The following SLC39A10 variants were observed in gnomAD, a reference collection of about 807,000 sequenced individuals.
SLC39A10 encodes solute carrier family 39 member 10.
A neutral mutation model predicts 65.1 loss-of-function variants in SLC39A10; 13 were observed. The observed-to-expected ratio is 0.20, with a 90% confidence interval of 0.13 to 0.32. The LOEUF (loss-of-function observed/expected upper bound fraction) is 0.32, where lower values mean the gene tolerates loss of function less well. Ranked by LOEUF, SLC39A10 falls within the 10% of genes least tolerant of loss-of-function variation. The pLI, the probability that SLC39A10 is intolerant of heterozygous loss-of-function variation, is 1.00. For synonymous variants in SLC39A10, 321 were observed against 342.2 expected, an observed-to-expected ratio of 0.94 and a Z score of 0.68; for missense variants, 831 against 1,018.4, an observed-to-expected ratio of 0.82 and a Z score of 2.50.
At chr2:195,700,157 G>GT (rs1344764264) in intron 3 of SLC39A10, among the ~76,000 whole-genome samples, 1 of 152,084 alleles carries the variant, frequency 6.6e-6, no homozygotes, top group Middle Eastern at 3.2e-3. Flanking sequence ...TGACTCATGT[G>GT]TTTTTATTCA....
chr2:195,660,289 G>A (rs1689337173), intron 1 of SLC39A10, among the ~76,000 whole-genome samples: 1 of 152,154 alleles, frequency 6.6e-6, no homozygotes, highest in African/African-American at 2.4e-5. Context: ...AGTGATACCA[G>A]TCATAGTTGC....
intron 2 of SLC39A10, among the ~76,000 whole-genome samples, chr2:195,640,211 T>G (rs1688777487): frequency 6.6e-6 from 1 of 152,184 alleles, no homozygotes; most frequent in East Asian, 1.9e-4. Flanking sequence ...ACAAAGGCAG[T>G]TAAGTAGCAC....
At chr2:195,695,372 G>C (rs1367979944) in intron 3 of SLC39A10, among the ~76,000 whole-genome samples, 4 of 152,172 alleles carry the variant, frequency 2.6e-5, no homozygotes, top group Non-Finnish European at 4.4e-5. Flanking sequence ...AGGTCATCAG[G>C]GAAGTGGGGG....
intron 1 of SLC39A10, among the ~76,000 whole-genome samples, chr2:195,666,184 A>G (rs558148277): frequency 1.3e-5 from 2 of 152,338 alleles, no homozygotes; most frequent in African/African-American, 4.8e-5. Context: ...TTGGACAGAA[A>G]GCTCCCATGT....
At chr2:195,642,399 T>C (rs1391191042) in intron 2 of SLC39A10, among the ~76,000 whole-genome samples, 2 of 152,174 alleles carry the variant, frequency 1.3e-5, no homozygotes, top group African/African-American at 4.8e-5. Context: ...CACTTCTGCT[T>C]TCTCCCTCAA....
At chr2:195,657,328 G>A (rs1559018168) in intron 1 of SLC39A10, 47 bp downstream of exon 1, 6 of 947,648 alleles carry the variant, frequency 6.3e-6, no homozygotes, top group Non-Finnish European at 7.5e-6. Flanking sequence ...CCCAGAACCG[G>A]CCCCGTGCGC....
chr2:195,649,629 T>C (rs1174194225), intron 2 of SLC39A10, among the ~76,000 whole-genome samples: 1 of 152,260 alleles, frequency 6.6e-6, no homozygotes, highest in Admixed American at 6.5e-5. Context: ...TTAATTCATT[T>C]CCATGTTGAC....
intron 3 of SLC39A10, among the ~76,000 whole-genome samples, chr2:195,696,704 T>G (rs931041771): frequency 3.9e-5 from 6 of 152,098 alleles, no homozygotes; most frequent in African/African-American, 1.4e-4. Flanking sequence ...CCAGAAGCCT[T>G]ACCAATAATA....
chr2:195,634,473 T>G (rs1257993052), intron 2 of SLC39A10, among the ~76,000 whole-genome samples: 2 of 152,202 alleles, frequency 1.3e-5, no homozygotes, highest in Non-Finnish European at 2.9e-5. Context: ...TTGATGTGCC[T>G]CCTTCCAGCT....
rs756535048 is a variant in SLC39A10, at chr2:195,716,781, A to G, written c.1841A>G (p.His614Arg). The G allele has an allele frequency of 6.2e-7, 1 of 1,614,216 alleles. No individual in the cohort carries two copies. Among genetic ancestry groups the G allele is most frequent in the Admixed American group, 1.7e-5 (1 of 60,022 alleles). ...GACCATTCTCACAGTGATGGATTAC[A>G]TACCATTCATGAGCATGATCTCCAT... ...IIDHSHSDGLHTIHEHDLHAA... is the reference protein window; with the variant it reads ...IIDHSHSDGLRTIHEHDLHAA... Residue 614 changes from histidine (H) to arginine (R), a missense_variant, in exon 7 of 10, where the codon CAT becomes CGT. This residue lies in a region of SLC39A10 where 230 missense variants were observed against 242.9 expected (regional missense o/e 0.95). Coordinates refer to ENST00000359634, the MANE Select transcript of SLC39A10 (RefSeq NM_020342.3).
chr2:195,619,868 C>A (rs769072547), intron 2 of SLC39A10, among the ~76,000 whole-genome samples: 1 of 152,110 alleles, frequency 6.6e-6, no homozygotes, highest in Non-Finnish European at 1.5e-5. Context: ...AGTGTGGCCT[C>A]CAGGACTTTA....
At chr2:195,718,140 A>T (rs1011120035) in intron 7 of SLC39A10, 112 bp from the exon 8 acceptor site, 3 of 755,888 alleles carry the variant, frequency 4.0e-6, no homozygotes, top group Non-Finnish European at 6.5e-6. Context: ...TGAGTCACTC[A>T]TATGTTAAGA....
intron 1 of SLC39A10, among the ~76,000 whole-genome samples, chr2:195,668,688 T>TTTG (rs761363701): frequency 2.0e-5 from 3 of 152,160 alleles, no homozygotes; most frequent in East Asian, 1.9e-4. Context: ...AAAAGAGGTT[T>TTTG]TTGTTGTTGT....
At chr2:195,711,517 A>G (rs1294182506) in intron 5 of SLC39A10, among the ~76,000 whole-genome samples, 1 of 152,046 alleles carries the variant, frequency 6.6e-6, no homozygotes, top group Non-Finnish European at 1.5e-5. Context: ...ATCTGGCCAG[A>G]TAAGTCAGGG....
At chr2:195,625,762 A>C (rs1328264818) in intron 2 of SLC39A10, among the ~76,000 whole-genome samples, 3 of 152,214 alleles carry the variant, frequency 2.0e-5, no homozygotes, top group African/African-American at 7.2e-5. Flanking sequence ...ACACCAGCAA[A>C]GCAGTGATAC....
At chr2:195,703,895 C>A (rs1019544693) in intron 3 of SLC39A10, among the ~76,000 whole-genome samples, 12 of 152,310 alleles carry the variant, frequency 7.9e-5, no homozygotes, top group African/African-American at 2.9e-4. Flanking sequence ...CTTAATCAGC[C>A]TGTCTGCCTC....
At chr2:195,685,381 A>G (rs747869216) in intron 3 of SLC39A10, among the ~76,000 whole-genome samples, 2 of 152,076 alleles carry the variant, frequency 1.3e-5, no homozygotes, top group Non-Finnish European at 2.9e-5. Flanking sequence ...TGTGCTAGTT[A>G]TATTTTTTTC....
chr2:195,648,992 T>C (rs1688980505), intron 2 of SLC39A10, among the ~76,000 whole-genome samples: 1 of 152,178 alleles, frequency 6.6e-6, no homozygotes, highest in South Asian at 2.1e-4. Context: ...AACTTGGGTG[T>C]GATGAAATCA....
intron 5 of SLC39A10, among the ~76,000 whole-genome samples, chr2:195,711,869 C>G (rs772507546): frequency 1.3e-4 from 20 of 152,180 alleles, no homozygotes; most frequent in Non-Finnish European, 2.9e-5. Context: ...CCTCCTTCCC[C>G]TTTTTCCCCT....
Sources: gnomAD v4.1 joint callset for allele counts (sites outside exome capture counted in the v4.1 genomes callset) on GRCh38, gnomAD v4.1.1 for gene constraint, gnomAD v4.1.1 regional missense constraint, MANE v1.5 for transcripts, NCBI Gene and HGNC (gene_info 2026-07-23, HGNC 2026-07-21) for gene names.